SAMMSON: variants seen among roughly 807,000 people sequenced by gnomAD.
SAMMSON encodes survival associated mitochondrial melanoma specific oncogenic non-coding RNA, also known as long intergenic non-protein coding RNA 1212.
At chr3:70,400,053 T>C (rs1701127356) in intron 2 of SAMMSON, among the ~76,000 whole-genome samples, 1 of 152,166 alleles carries the variant, frequency 6.6e-6, no homozygotes, top group Admixed American at 6.5e-5. Context: ...TTTGCTTTCA[T>C]AATACTATTT....
At chr3:70,202,724 C>A (rs1464051895) in intron 4 of SAMMSON, among the ~76,000 whole-genome samples, 1 of 152,228 alleles carries the variant, frequency 6.6e-6, no homozygotes, top group South Asian at 2.1e-4. Flanking sequence ...CCTTTCTACA[C>A]CCCAGGGTAC....
chr3:70,098,328 C>T (rs936473587), intron 4 of SAMMSON, among the ~76,000 whole-genome samples: 1 of 152,210 alleles, frequency 6.6e-6, no homozygotes, highest in East Asian at 1.9e-4. Flanking sequence ...TATCCTGTTC[C>T]GTTCTCCCTA....
At chr3:70,340,176 G>C (rs1296213651) in intron 7 of SAMMSON, among the ~76,000 whole-genome samples, 4 of 150,378 alleles carry the variant, frequency 2.7e-5, no homozygotes, top group Non-Finnish European at 5.9e-5. Context: ...CTCACTCATA[G>C]GTGGGGATTG....
At chr3:70,419,271 G>T (rs944173356) in intron 2 of SAMMSON, among the ~76,000 whole-genome samples, 3 of 151,846 alleles carry the variant, frequency 2.0e-5, no homozygotes, top group Non-Finnish European at 2.9e-5. Flanking sequence ...GGGCTCAGGC[G>T]ATCCACCCGC....
intron 3 of SAMMSON, among the ~76,000 whole-genome samples, chr3:70,028,830 C>A (rs1023384175): frequency 6.6e-6 from 1 of 152,192 alleles, no homozygotes; most frequent in Non-Finnish European, 1.5e-5. Flanking sequence ...GGAGTTTTCT[C>A]ACCGATGATA....
chr3:70,233,356 C>G (rs1371912906), intron 4 of SAMMSON, among the ~76,000 whole-genome samples: 1 of 152,156 alleles, frequency 6.6e-6, no homozygotes, highest in African/African-American at 2.4e-5. Flanking sequence ...GGAATAATGA[C>G]CTGTGACAGT....
intron 3 of SAMMSON, among the ~76,000 whole-genome samples, chr3:70,046,214 T>C (rs534242378): frequency 6.6e-6 from 1 of 152,254 alleles, no homozygotes; most frequent in East Asian, 1.9e-4. Flanking sequence ...TGAAACGATC[T>C]GAGTGAGCAA....
chr3:70,252,913 C>A (rs1280565172), intron 6 of SAMMSON, among the ~76,000 whole-genome samples: 1 of 152,014 alleles, frequency 6.6e-6, no homozygotes, highest in Admixed American at 6.6e-5. Context: ...AACCCCCTCT[C>A]TACTAAAAAT....
chr3:70,290,982 C>T (rs1337185527), intron 6 of SAMMSON, among the ~76,000 whole-genome samples: 1 of 152,136 alleles, frequency 6.6e-6, no homozygotes, highest in Non-Finnish European at 1.5e-5. Flanking sequence ...TGAGATGAAC[C>T]CGGTACCTCA....
At chr3:70,153,420 C>G (rs1277149892) in intron 4 of SAMMSON, among the ~76,000 whole-genome samples, 1 of 151,820 alleles carries the variant, frequency 6.6e-6, no homozygotes, top group Non-Finnish European at 1.5e-5. Context: ...CTCTATAGCT[C>G]CAGCTCACTG....
chr3:70,071,615 T>C (rs1192821892), intron 4 of SAMMSON: 3 of 152,028 alleles, frequency 2.0e-5, no homozygotes, highest in Admixed American at 2.0e-4. Flanking sequence ...ATCAGATACC[T>C]GTTCTCCCTG....
intron 4 of SAMMSON, among the ~76,000 whole-genome samples, chr3:70,191,786 G>A (rs1165063970): frequency 6.6e-6 from 1 of 151,348 alleles, no homozygotes; most frequent in East Asian, 1.9e-4. Flanking sequence ...TAAAAGCATG[G>A]GTTTTGGAAT....
intron 6 of SAMMSON, among the ~76,000 whole-genome samples, chr3:70,255,559 C>G (rs576486590): frequency 2.0e-5 from 3 of 152,112 alleles, no homozygotes; most frequent in South Asian, 4.1e-4. Flanking sequence ...CCTCAGTCCT[C>G]CTGCCTCAGT....
At chr3:70,012,875 A>G (rs746835163) in intron 2 of SAMMSON, among the ~76,000 whole-genome samples, 7 of 152,054 alleles carry the variant, frequency 4.6e-5, no homozygotes, top group Non-Finnish European at 8.8e-5. Flanking sequence ...GGATGGTATA[A>G]GGGTCTTGGG....
At chr3:70,015,618 G>C (rs2066980369) in intron 3 of SAMMSON, among the ~76,000 whole-genome samples, 1 of 152,006 alleles carries the variant, frequency 6.6e-6, no homozygotes, top group African/African-American at 2.4e-5. Flanking sequence ...ACAATGTGCA[G>C]GTTTGTTACA....
intron 3 of SAMMSON, among the ~76,000 whole-genome samples, chr3:70,065,624 T>C (rs2067206709): frequency 1.3e-5 from 2 of 152,088 alleles, no homozygotes; most frequent in African/African-American, 4.8e-5. Context: ...GGGGCTGTTG[T>C]CCTCTGTGGG....
At chr3:70,186,003 A>T (rs111954455) in intron 4 of SAMMSON, among the ~76,000 whole-genome samples, 2 of 152,036 alleles carry the variant, frequency 1.3e-5, no homozygotes, top group South Asian at 4.1e-4. Flanking sequence ...CAAAAATTTT[A>T]TGCCATAGTC....
intron 6 of SAMMSON, among the ~76,000 whole-genome samples, chr3:70,290,735 G>C (rs753357077): frequency 5.3e-5 from 8 of 152,166 alleles, no homozygotes; most frequent in African/African-American, 1.7e-4. Flanking sequence ...AGGACCCTCC[G>C]AGCCAGGTGC....
At chr3:70,268,513 G>T (rs926443252) in intron 6 of SAMMSON, among the ~76,000 whole-genome samples, 1 of 150,948 alleles carries the variant, frequency 6.6e-6, no homozygotes, top group Non-Finnish European at 1.5e-5. Context: ...CCAGAATGGT[G>T]CATTTGTTAC....
Sources: gnomAD v4.1 joint callset for allele counts (sites outside exome capture counted in the v4.1 genomes callset) on GRCh38, gnomAD v4.1.1 for gene constraint, MANE v1.5 for transcripts, NCBI Gene and HGNC (gene_info 2026-07-23, HGNC 2026-07-21) for gene names.